Variants in NOTCH1 observed in about 807,000 individuals in gnomAD.
NOTCH1 encodes neurogenic locus notch homolog protein 1.
A neutral mutation model predicts 254.8 loss-of-function variants in NOTCH1; 37 were observed. The observed-to-expected ratio is 0.15, with a 90% CI of 0.11 to 0.19. The LOEUF is 0.19. NOTCH1 is among the 10% of genes least tolerant of loss of function. The probability of loss-of-function intolerance (pLI) is 1.00; values close to 1 mark genes in which losing one functional copy is unlikely to be tolerated. For synonymous variants in NOTCH1, 1,731 were observed against 1,618.1 expected (o/e 1.07, Z -1.68); for missense variants, 2,972 against 3,708.6 (o/e 0.80, Z 5.16).
chr9:136,513,334 T>C lies in NOTCH1; in HGVS notation c.2353+58A>G. The C allele has an allele frequency of 3.7e-6, 6 of 1,609,938 alleles. No homozygotes were observed. Among genetic ancestry groups the C allele is most frequent in the Non-Finnish European group, 4.2e-6 (5 of 1,179,026 alleles). On this transcript the variant is annotated intron_variant, in intron 14 of 33. Transcript: ENST00000651671. The surrounding 1 kb of genome is among the most constrained non-coding windows in gnomAD (Gnocchi z 4.7). ...TGGACCTGGGTCCCGATCCTGTGTC[T>C]CCAGCTCCCCAGACTCGAGGGCGGC...
intron 2 of NOTCH1, 128 bp downstream of exon 2, chr9:136,543,896 C>A: frequency 1.1e-6 from 1 of 882,118 alleles, no homozygotes; most frequent in Non-Finnish European, 1.9e-6. Flanking sequence ...AAAGTCAGCA[C>A]GTGACCGTGC....
rs1190711563 is a variant in NOTCH1 at position 136,516,112 on chromosome 9, A to C, written c.1556-18T>G. 4 of 1,517,138 alleles carry C rather than the reference A, an allele frequency of 2.6e-6. No individual in the cohort carries two copies. The highest frequency in any genetic ancestry group is 3.6e-6 in the Non-Finnish European group (4 of 1,097,962). 94.0% of individuals were successfully genotyped at this position (1,517,138 alleles called of 1,614,324 possible). A position where few individuals can be genotyped will look rare whatever the true frequency, so the allele number is the denominator to read the frequency against. On this transcript the variant is annotated intron_variant, in intron 9 of 33. Transcript: ENST00000651671. The stretch of plus-strand genomic sequence containing the variant: ...AGTGAAGCCTGGGGCCGGGGAGGGG[A>C]GGGGAGGGAGTCATGTGCAACAGCA...
rs1843797890 is a variant in NOTCH1, at chr9:136,545,273, C to G, written c.61+453G>C. On this transcript the variant is annotated intron_variant, in intron 1 of 33. Coordinates refer to ENST00000651671, the MANE Select transcript of NOTCH1 (RefSeq NM_017617.5). The surrounding 1 kb of genome is among the most constrained non-coding windows in gnomAD (Gnocchi z 6.8). The stretch of plus-strand genomic sequence containing the variant: ...AACGCGGCGCCGCAGAGCCCACACT[C>G]CGCGCCCCAACATCCGCCCCGGCGT... 6.6e-6 allele frequency among the ~76,000 whole-genome samples: 1 copy of G among 152,172 alleles called. No individual in the cohort carries two copies. The highest frequency in any genetic ancestry group is 1.5e-5 in the Non-Finnish European group (1 of 68,012).
Position 136,506,869 on chromosome 9 carries a change from C to T in NOTCH1, c.3748G>A (p.Gly1250Ser), listed in dbSNP as rs771192471. 25 of 1,611,588 alleles carry T rather than the reference C, an allele frequency of 1.6e-5. 1 individual carries two copies. The highest frequency in any genetic ancestry group is 7.7e-5 in the South Asian group (7 of 90,864). The change falls in exon 23 of 34, where the codon GGC (glycine) becomes AGC (serine). Residue 1250 changes from glycine to serine, a missense_variant. Gly to Ser is a moderately conservative substitution (Grantham distance 56). Coordinates refer to ENST00000651671, the MANE Select transcript of NOTCH1 (RefSeq NM_017617.5). This position sits in a 1 kb window ranked among gnomAD's most constrained non-coding sequence, Gnocchi z 4.5. The stretch of plus-strand genomic sequence containing the variant: ...CCCGGCGGGCAGGTGCAGCTGTAGC[C>T]GCCCACCTGGTCCACGCAGGTGCCG... ...NNGTCVDQVG[G>S]YSCTCPPGFV...
rs937650340 is a variant in NOTCH1 at position 136,524,548 on chromosome 9, T to C, written c.141-569A>G. On this transcript the variant is annotated intron_variant, in intron 2 of 33. Transcript: ENST00000651671. ...ATTGCTTGGGCAGTAACAAAGGCCG[T>C]GGTTTTTCCAACCTTCAGGTGTCAA... is the stretch of plus-strand genomic sequence containing the variant. 3.9e-5 allele frequency among the ~76,000 whole-genome samples: 6 copies of C among 151,988 alleles called. No individual in the cohort carries two copies. The South Asian group carries it at 6.2e-4, about 16-fold the overall frequency.
intron 2 of NOTCH1, 55 bp from the exon 3 acceptor site, chr9:136,524,034 G>A (rs554553926): frequency 4.2e-5 from 64 of 1,532,390 alleles, no homozygotes; most frequent in South Asian, 3.7e-4. Flanking sequence ...CAGCGCCCCC[G>A]CCACTCAGCA....
At chr9:136,531,781 C>T (rs1485367464) in intron 2 of NOTCH1, among the ~76,000 whole-genome samples, 6 of 152,240 alleles carry the variant, frequency 3.9e-5, no homozygotes, top group Admixed American at 1.3e-4. Context: ...CCGCCTGTCC[C>T]GGGAAACCAC....
intron 2 of NOTCH1, among the ~76,000 whole-genome samples, chr9:136,537,621 C>T (rs575253304): frequency 6.6e-6 from 1 of 152,302 alleles, no homozygotes; most frequent in Non-Finnish European, 1.5e-5. Context: ...CATAGCAAGA[C>T]CCCGCTTCTG....
chr9:136,522,513 C>G, intron 4 of NOTCH1: 2 of 336,670 alleles, frequency 5.9e-6, no homozygotes, highest in Admixed American at 4.6e-5. Context: ...CCTCTCCGGC[C>G]CCAGCCCCAC....
In NOTCH1 at chr9:136,522,937, A is replaced by G. The variant is rs751363480; in HGVS notation, c.655T>C (p.Tyr219His). 2.6e-6 allele frequency: 4 copies of G among 1,554,422 alleles called. No individual in the cohort carries two copies. Among genetic ancestry groups the G allele is most frequent in the Non-Finnish European group, 2.6e-6 (3 of 1,149,438 alleles). The change falls in exon 4 of 34, where the codon TAC becomes CAC. Residue 219 changes from tyrosine to histidine, a missense_variant. Tyr to His is a moderately conservative substitution (Grantham distance 83). Coordinates refer to ENST00000651671, the MANE Select transcript of NOTCH1 (RefSeq NM_017617.5). Reference sequence around the variant, plus strand: ...CAGGGCGAGGGGCTGCAGGGCACGTAGGGCCGCTCGCAGTTGGGGCCAGTG... The same window carrying G: ...CAGGGCGAGGGGCTGCAGGGCACGTGGGGCCGCTCGCAGTTGGGGCCAGTG... ...THTGPNCERP[Y>H]VPCSPSPCQN... is the part of the protein sequence containing the mutation.
rs1329069996 is a variant in NOTCH1, at chr9:136,499,264, G to A, written c.5935-5C>T. Reference sequence around the variant, plus strand: ...GGCTCGGTTCCGGATCAGGATCTGGGCAACAGGGAGAGGCTCAGGCGGGTG... The same window carrying A: ...GGCTCGGTTCCGGATCAGGATCTGGACAACAGGGAGAGGCTCAGGCGGGTG... On this transcript the variant is annotated splice_region_variant and splice_polypyrimidine_tract_variant and intron_variant, in intron 31 of 33. Transcript: ENST00000651671. The A allele has an allele frequency of 1.9e-6, 3 of 1,612,152 alleles. No individual in the cohort carries two copies. In the African/African-American group the frequency reaches 4.0e-5, roughly 22 times the overall value.
intron 2 of NOTCH1, among the ~76,000 whole-genome samples, chr9:136,526,535 C>A (rs995325834): frequency 3.9e-5 from 6 of 152,156 alleles, no homozygotes; most frequent in Non-Finnish European, 8.8e-5. Context: ...GCAGGGGAGG[C>A]CCATCCCACA....
chr9:136,543,567 G>T (rs1245178931), intron 2 of NOTCH1: 2 of 338,466 alleles, frequency 5.9e-6, no homozygotes, highest in South Asian at 2.3e-5. Context: ...AGCCCAAGAG[G>T]CATCACCACC....
intron 2 of NOTCH1, among the ~76,000 whole-genome samples, chr9:136,525,419 C>T (rs767543488): frequency 3.2e-4 from 48 of 152,234 alleles, no homozygotes; most frequent in South Asian, 6.2e-4. Context: ...ACCCGCCGGG[C>T]GCCGCTCTTC....
chr9:136,523,968 G>A lies in NOTCH1; in HGVS notation c.152C>T (p.Ala51Val). Residue 51 changes from alanine to valine, a missense_variant, in exon 3 of 34, where the codon GCC becomes GTC. Physicochemically the swap from Ala to Val is moderately conservative, Grantham distance 64. Transcript: ENST00000651671. ...GTCCTGGCATCGCGGGCCCACGAAG[G>A]CCCCGCCACAGCTGTTGGCAGATGT... Reference protein sequence around the residue: ...NGTEACVCGGAFVGPRCQDPN... With the variant: ...NGTEACVCGGVFVGPRCQDPN... The A allele has an allele frequency of 6.4e-7, 1 of 1,553,770 alleles. No individual in the cohort carries two copies. The highest frequency in any genetic ancestry group is 8.7e-7 in the Non-Finnish European group (1 of 1,150,172).
chr9:136,518,150 A>C lies in NOTCH1; in HGVS notation c.1242T>G (p.Asp414Glu), dbSNP rs1843307597. 1.9e-6 allele frequency: 3 copies of C among 1,591,062 alleles called. No individual in the cohort carries two copies. The highest frequency in any genetic ancestry group is 2.6e-6 in the Non-Finnish European group (3 of 1,169,348). The change falls in exon 7 of 34, where the codon GAT becomes GAG. Residue 414 changes from aspartate (D) to glutamate (E), a missense_variant. Asp to Glu is a conservative substitution (Grantham distance 45, BLOSUM62 2). This residue lies in a region of NOTCH1 where 90 missense variants were observed against 183.6 expected (regional missense o/e 0.49). Transcript: ENST00000651671. ...YTGPACSQDV[D>E]ECSLGANPCE... ...GCTGGCACCTACCCAGCGAGCACTC[A>C]TCCACGTCCTGGCTGCAGGCCGGGC...
At position 136,541,105 on chromosome 9, in the gene NOTCH1, G is replaced by A. The variant is rs564245871; in HGVS notation, c.140+2919C>T. 4.6e-5 allele frequency among the ~76,000 whole-genome samples: 7 copies of A among 152,166 alleles called. No homozygotes were observed. The South Asian group carries it at 6.2e-4, about 14-fold the overall frequency. On this transcript the variant is annotated intron_variant, in intron 2 of 33. Transcript: ENST00000651671. ...GCCTGCTCAGAAGGCCACCATCTCC[G>A]ACCACAGCCACCACGGCCACACCTC...
intron 2 of NOTCH1, among the ~76,000 whole-genome samples, chr9:136,541,282 G>A (rs1007389333): frequency 5.9e-5 from 9 of 152,090 alleles, no homozygotes; most frequent in Non-Finnish European, 8.8e-5. Context: ...TTCCAATCCC[G>A]GGCCCTGCAA....
chr9:136,518,554 G>A (rs2133370420), intron 6 of NOTCH1, 37 bp downstream of exon 6: 1 of 1,575,956 alleles, frequency 6.3e-7, no homozygotes, highest in East Asian at 2.3e-5. Context: ...TGGCCCATGT[G>A]AGCCCCCTGC....
Sources: gnomAD v4.1 joint callset for allele counts (sites outside exome capture counted in the v4.1 genomes callset) on GRCh38, gnomAD v4.1.1 for gene constraint, gnomAD v4.1.1 regional missense constraint, Gnocchi (gnomAD v3.1) non-coding constraint, MANE v1.5 for transcripts, NCBI Gene and HGNC (gene_info 2026-07-23, HGNC 2026-07-21) for gene names.